DHRS4L2: variants seen among roughly 807,000 people sequenced by gnomAD.
DHRS4L2 encodes dehydrogenase/reductase SDR family member 4-like 2.
Under a neutral mutation model 23.9 loss-of-function variants are expected in DHRS4L2, and 22 were observed. The ratio of observed to expected loss-of-function variants is 0.92; its 90% CI spans 0.66 to 1.31. DHRS4L2 has a LOEUF of 1.31. Among genes scored for constraint, DHRS4L2 ranks in the 40% most tolerant of loss-of-function variants. The pLI is 0.00. For synonymous variants in DHRS4L2, 141 were observed against 123.7 expected, an observed-to-expected ratio of 1.14 and a Z score of -0.93; for missense variants, 385 against 303.3, an observed-to-expected ratio of 1.27 and a Z score of -2.00.
intron 1 of DHRS4L2, among the ~76,000 whole-genome samples, chr14:23,982,763 G>A (rs2034076524): frequency 6.6e-6 from 1 of 151,578 alleles, no homozygotes; most frequent in Non-Finnish European, 1.5e-5. Context: ...GCAGAAAACT[G>A]AAACTGGACC....
intron 1 of DHRS4L2, among the ~76,000 whole-genome samples, chr14:23,982,694 G>A (rs866013626): frequency 2.0e-5 from 3 of 151,050 alleles, no homozygotes; most frequent in South Asian, 2.1e-4. Flanking sequence ...ACAAAAACAA[G>A]CAATGGGGAA....
intron 1 of DHRS4L2, among the ~76,000 whole-genome samples, chr14:23,975,691 C>T (rs1000865608): frequency 1.3e-5 from 2 of 151,714 alleles, no homozygotes; most frequent in Non-Finnish European, 2.9e-5. Context: ...TACTGCAAGG[C>T]TACAGTAACC....
chr14:23,975,456 G>T (rs1340792955), intron 1 of DHRS4L2, among the ~76,000 whole-genome samples: 2 of 151,642 alleles, frequency 1.3e-5, no homozygotes, highest in African/African-American at 4.8e-5. Flanking sequence ...GAAGAATATT[G>T]CATGCTCATC....
chr14:24,004,238 C>G (rs1277253740), intron 6 of DHRS4L2, 99 bp from the exon 7 acceptor site: 2 of 1,428,494 alleles, frequency 1.4e-6, no homozygotes, highest in African/African-American at 1.7e-5. Flanking sequence ...CACTACAGTC[C>G]GGCCTGGGCA....
intron 1 of DHRS4L2, among the ~76,000 whole-genome samples, chr14:23,975,501 T>C (rs924778802): frequency 4.6e-5 from 7 of 151,692 alleles, no homozygotes; most frequent in Non-Finnish European, 1.0e-4. Flanking sequence ...AATGGCCATA[T>C]TGCCCAAAGT....
In DHRS4L2 at chr14:23,993,761, A is replaced by G. The variant is rs571840481; in HGVS notation, c.307-1271A>G. On this transcript the variant is annotated intron_variant, in intron 2 of 7. Transcript: ENST00000335125. ...TCAAAAGAGAGAGACAGAGACAGGG[A>G]AAATGACATCATAACCAAATATGGA... Among the ~76,000 whole-genome samples the G allele has an allele frequency of 6.6e-5, 10 of 151,846 alleles. No individual in the cohort carries two copies. The South Asian group carries it at 2.1e-3, about 32-fold the overall frequency.
chr14:23,995,118 G>T lies in DHRS4L2; in HGVS notation c.393G>T (p.Glu131Asp). 6.2e-7 allele frequency: 1 copy of T among 1,612,818 alleles called. No homozygotes were observed. Among genetic ancestry groups the T allele is most frequent in the Non-Finnish European group, 8.5e-7 (1 of 1,179,378 alleles). The change falls in exon 3 of 8, where the codon GAG (glutamate) becomes GAT (aspartate). Residue 131 changes from glutamate (E) to aspartate (D), a missense_variant. Glu to Asp is a conservative substitution (Grantham distance 45). Transcript: ENST00000335125. The part of the protein sequence containing the change: ...PFFGSLMDVT[E>D]EVWDKTLDIN... ...TTGGAAGCCTAATGGATGTCACCGAGGAGGTGTGGGACAAGGTGAGAGGGG... is the reference window on the plus strand; with the variant it reads ...TTGGAAGCCTAATGGATGTCACCGATGAGGTGTGGGACAAGGTGAGAGGGG...
chr14:23,990,475 T>C (rs2034248157), intron 2 of DHRS4L2, 116 bp downstream of exon 2: 2 of 1,398,370 alleles, frequency 1.4e-6, no homozygotes, highest in East Asian at 5.1e-5. Flanking sequence ...TTCTATTATG[T>C]CCATATACTA....
chr14:23,998,260 T>A (rs1361004252), intron 3 of DHRS4L2, among the ~76,000 whole-genome samples: 23 of 151,996 alleles, frequency 1.5e-4, no homozygotes, highest in African/African-American at 5.5e-4. Context: ...CAGAGTAGAT[T>A]TAGCGTAAAT....
upstream of DHRS4L2, among the ~76,000 whole-genome samples, chr14:23,985,105 C>T (rs1407120107): frequency 6.6e-6 from 1 of 151,460 alleles, no homozygotes; most frequent in Non-Finnish European, 1.5e-5. Flanking sequence ...GAGCACAGCA[C>T]CAGGGAGTAA....
intron 2 of DHRS4L2, 25 bp from the exon 3 acceptor site, chr14:23,995,007 G>A (rs1346465150): frequency 1.2e-6 from 2 of 1,611,762 alleles, no homozygotes; most frequent in African/African-American, 2.7e-5. Context: ...TGCAGCCCTG[G>A]TCCAGACCTT....
chr14:23,999,181 C>T (rs1452145916), intron 3 of DHRS4L2, among the ~76,000 whole-genome samples: 2 of 147,320 alleles, frequency 1.4e-5, no homozygotes, highest in African/African-American at 5.0e-5. Flanking sequence ...ATAATAAAAC[C>T]ATGAAAGATC....
intron 2 of DHRS4L2, chr14:23,990,761 T>C (rs2034253034): frequency 3.2e-6 from 2 of 615,724 alleles, no homozygotes; most frequent in Non-Finnish European, 4.2e-6. Context: ...CTATGTGCCA[T>C]TTCCTGTGTT....
intron 1 of DHRS4L2, among the ~76,000 whole-genome samples, chr14:23,981,916 T>C (rs12588438): frequency 0.084 from 12,691 of 151,682 alleles, 878 homozygotes; most frequent in East Asian, 0.2. Flanking sequence ...TGCCACAGGG[T>C]GGTTGTTCTC....
chr14:24,000,693 C>G (rs1566500631), intron 3 of DHRS4L2, among the ~76,000 whole-genome samples, 170 bp from the exon 4 acceptor site: 1 of 151,834 alleles, frequency 6.6e-6, no homozygotes, highest in Non-Finnish European at 1.5e-5. Context: ...CTGGTGAGAG[C>G]TACTTCTCCC....
chr14:23,970,457 G>T (rs1301690071), intron 1 of DHRS4L2: 1 of 352,442 alleles, frequency 2.8e-6, no homozygotes, highest in East Asian at 7.5e-5. Context: ...TGTAAACAAA[G>T]CTGCAGGGAA....
chr14:23,981,779 A>G (rs2034057681), intron 1 of DHRS4L2, among the ~76,000 whole-genome samples: 2 of 151,704 alleles, frequency 1.3e-5, no homozygotes. Context: ...CTGTGTCACA[A>G]ATAAGTTCAA....
chr14:23,988,078 A>T (rs1269330233), upstream of DHRS4L2, among the ~76,000 whole-genome samples: 3 of 151,406 alleles, frequency 2.0e-5, no homozygotes, highest in Non-Finnish European at 4.4e-5. Context: ...AATAATCACT[A>T]CATGGTGGCA....
chr14:23,970,065 C>T (rs781225704), exon 1 of DHRS4L2: 2 of 456,350 alleles, frequency 4.4e-6, no homozygotes, highest in Admixed American at 2.4e-5. Flanking sequence ...GGCGGCGGCT[C>T]CTCTGCAGCA....
Sources: allele counts gnomAD v4.1 joint callset (sites outside exome capture counted in the v4.1 genomes callset), GRCh38; gene constraint gnomAD v4.1.1; transcripts MANE v1.5; gene names NCBI Gene and HGNC (gene_info 2026-07-23, HGNC 2026-07-21).